RANBP1: variants seen among roughly 807,000 people sequenced by gnomAD.
RANBP1 encodes ran-specific GTPase-activating protein.
In RANBP1, 16 loss-of-function variants were observed where a neutral mutation model predicts 31.4. The observed-to-expected ratio is 0.51, with a 90% confidence interval of 0.34 to 0.77. The LOEUF is 0.77. Ranked by LOEUF, RANBP1 falls within the 30% of genes least tolerant of loss-of-function variation. RANBP1 has a pLI of 0.01. For synonymous variants in RANBP1, 129 were observed against 140.5 expected (o/e 0.92, Z 0.58); for missense variants, 265 against 362.0 (o/e 0.73, Z 2.17).
At chr22:20,116,856 T>C in intron 1 of RANBP1, 6 of 1,526,860 alleles carry the variant, frequency 3.9e-6, no homozygotes, top group Non-Finnish European at 5.4e-6. Flanking sequence ...CATCCCCGTC[T>C]CTACCCAGCG....
At chr22:20,117,639 G>T in intron 1 of RANBP1, 1 of 1,137,080 alleles carries the variant, frequency 8.8e-7, no homozygotes, top group South Asian at 2.7e-5. Context: ...CGCCGCCGCC[G>T]CCGCGCCCCC....
chr22:20,121,742 C>T (rs568628559), intron 2 of RANBP1, among the ~76,000 whole-genome samples: 3 of 151,966 alleles, frequency 2.0e-5, no homozygotes, highest in African/African-American at 7.2e-5. Context: ...TAGTGTCTTG[C>T]TATGTTGCCC....
rs138409144 is a variant in RANBP1 at position 20,126,977 on chromosome 22, C to T, written c.762C>T (p.Ala254=). Residue 254 remains alanine (A), a synonymous_variant, in exon 6 of 6, where the codon GCC becomes GCT. Transcript: ENST00000430524. ...KKAGSGKNDH[A]EKVAEKLEAL... is the part of the protein sequence containing the mutation. ...CAGGATCAGGCAAAAATGATCATGC[C>T]GAAAAAGTGGCGGAAAAGCTAGAAG... The T allele has an allele frequency of 2.5e-5, 41 of 1,612,474 alleles. No homozygotes were observed. The highest frequency in any genetic ancestry group is 4.0e-5 in the African/African-American group (3 of 74,742).
intron 1 of RANBP1, 95 bp downstream of exon 1, chr22:20,116,525 C>T: frequency 6.2e-7 from 1 of 1,608,332 alleles, no homozygotes; most frequent in South Asian, 1.1e-5. Context: ...TCCTCCAGGG[C>T]TGCCGGGGCT....
At chr22:20,122,681 T>C in intron 3 of RANBP1, 1 of 1,395,598 alleles carries the variant, frequency 7.2e-7, no homozygotes, top group East Asian at 3.7e-5. Context: ...GCGCCCAGGC[T>C]GGGCTCGGGA....
At position 20,116,345 on chromosome 22, in the gene RANBP1, G is replaced by A. The variant is rs755476378; in HGVS notation, c.161G>A (p.Arg54Lys). Residue 54 changes from arginine to lysine, a missense_variant, in exon 1 of 6, where the codon AGA (arginine) becomes AAA (lysine). Physicochemically the swap from Arg to Lys is conservative, Grantham distance 26. Transcript: ENST00000430524. ...CPKSLVLWGC[R>K]PKRPRKRRTS... is the part of the protein sequence containing the mutation. ...AAGAGTTTGGTTTTGTGGGGCTGCA[G>A]ACCAAAGCGGCCCAGGAAGCGCCGG... The A allele has an allele frequency of 1.2e-6, 2 of 1,612,850 alleles. No homozygotes were observed. Among genetic ancestry groups the A allele is most frequent in the Non-Finnish European group, 1.7e-6 (2 of 1,180,014 alleles).
At chr22:20,116,827 A>ACCCCCC in intron 1 of RANBP1, 6 of 1,018,020 alleles carry the variant, frequency 5.9e-6, no homozygotes, top group South Asian at 2.0e-5. Flanking sequence ...TTCCTGACCC[A>ACCCCCC]CCCCGCCTCC....
intron 3 of RANBP1, 190 bp downstream of exon 3, chr22:20,122,611 C>T (rs750060962): frequency 2.8e-5 from 43 of 1,523,846 alleles, no homozygotes; most frequent in Non-Finnish European, 3.3e-5. Flanking sequence ...AGGCCCGCAG[C>T]GAAGCTTAGA....
intron 1 of RANBP1, chr22:20,117,161 CG>C: frequency 5.4e-6 from 3 of 556,568 alleles, no homozygotes; most frequent in Non-Finnish European, 9.0e-6. Context: ...GGGCCCGCGC[CG>C]GCCGCTCGCT....
intron 3 of RANBP1, among the ~76,000 whole-genome samples, chr22:20,123,521 C>G (rs1408442428): frequency 6.6e-6 from 1 of 150,840 alleles, no homozygotes; most frequent in Non-Finnish European, 1.5e-5. Flanking sequence ...TGGGGGTGTT[C>G]GGGCAGTGTA....
At chr22:20,117,080 C>A (rs2050050361) in intron 1 of RANBP1, 3 of 832,414 alleles carry the variant, frequency 3.6e-6, no homozygotes, top group Admixed American at 2.5e-5. Context: ...TCGCCCCAGG[C>A]GGGGCGGGAC....
chr22:20,123,751 G>T (rs2050238652), intron 3 of RANBP1, among the ~76,000 whole-genome samples: 1 of 152,116 alleles, frequency 6.6e-6, no homozygotes, highest in Non-Finnish European at 1.5e-5. Flanking sequence ...CAAAGAAGTG[G>T]CAGTAGGTTG....
intron 3 of RANBP1, chr22:20,124,953 C>T (rs2050263575): frequency 3.1e-6 from 1 of 319,206 alleles, no homozygotes; most frequent in Non-Finnish European, 5.9e-6. Flanking sequence ...CAGCTGGGGC[C>T]TGCTTTGCCA....
At chr22:20,119,194 G>T in intron 2 of RANBP1, 45 bp downstream of exon 2, 9 of 1,582,928 alleles carry the variant, frequency 5.7e-6, no homozygotes, top group Non-Finnish European at 7.8e-6. Flanking sequence ...TAAGGTTGAG[G>T]TTACAACTTT....
chr22:20,120,950 G>T (rs1355042186), intron 2 of RANBP1, among the ~76,000 whole-genome samples: 1 of 152,162 alleles, frequency 6.6e-6, no homozygotes, highest in African/African-American at 2.4e-5. Flanking sequence ...CTGGGGCTGG[G>T]GTGCTCTTGC....
intron 4 of RANBP1, among the ~76,000 whole-genome samples, chr22:20,125,902 A>G (rs1389748931): frequency 1.3e-5 from 2 of 152,260 alleles, no homozygotes; most frequent in African/African-American, 4.8e-5. Context: ...AGGTCTTTCC[A>G]GTCCAGATCG....
chr22:20,127,118 C>T lies in RANBP1; in HGVS notation c.*66C>T, dbSNP rs369996254. ...TTTTTTAAAAAATTTTACCCTGCCC[C>T]TCTTTTTCGGTTTGTTTTTATTCTT... On this transcript the variant is annotated 3_prime_UTR_variant, in exon 6 of 6. Coordinates refer to ENST00000430524, the MANE Select transcript of RANBP1 (RefSeq NM_001278639.2). 11 of 1,354,786 alleles carry T rather than the reference C, an allele frequency of 8.1e-6. 1 individual carries two copies. In the African/African-American group the frequency reaches 1.2e-4, roughly 15 times the overall value. The allele number at this position is 1,354,786 out of a possible 1,614,324, so 83.9% of individuals were successfully genotyped here. A position where few individuals can be genotyped will look rare whatever the true frequency, so the allele number is the denominator to read the frequency against.
intron 4 of RANBP1, among the ~76,000 whole-genome samples, 199 bp from the exon 5 acceptor site, chr22:20,126,104 C>G (rs1163239242): frequency 1.3e-5 from 2 of 152,272 alleles, no homozygotes; most frequent in Non-Finnish European, 2.9e-5. Flanking sequence ...AGGGTCCGTG[C>G]TCTACCGCTC....
chr22:20,119,306 C>T, intron 2 of RANBP1, 157 bp downstream of exon 2: 1 of 691,868 alleles, frequency 1.4e-6, no homozygotes, highest in East Asian at 2.7e-5. Context: ...TTAACCCGTT[C>T]CTTTCATGAA....
Sources: allele counts gnomAD v4.1 joint callset (sites outside exome capture counted in the v4.1 genomes callset), GRCh38; gene constraint gnomAD v4.1.1; transcripts MANE v1.5; gene names NCBI Gene and HGNC (gene_info 2026-07-23, HGNC 2026-07-21).